The following NOX4 variants were observed in gnomAD, a reference collection of about 807,000 sequenced individuals.
NOX4 encodes NADPH oxidase 4, also known as kidney oxidase-1.
NOX4 carries 69 observed loss-of-function variants against 87.6 expected under a neutral mutation model. The observed-to-expected ratio is 0.79, with a 90% CI of 0.65 to 0.96. The LOEUF (loss-of-function observed/expected upper bound fraction) is 0.96, where lower values mean the gene tolerates loss of function less well. Ranked by LOEUF, NOX4 falls within the 40% of genes least tolerant of loss-of-function variation. The pLI is 0.00. For missense variants in NOX4, 680 were observed against 681.5 expected, an observed-to-expected ratio of 1.00 and a Z score of 0.02; for synonymous variants, 275 against 238.2, an observed-to-expected ratio of 1.15 and a Z score of -1.42.
At chr11:89,401,234 G>A (rs1348959171) in intron 9 of NOX4, among the ~76,000 whole-genome samples, 1 of 152,016 alleles carries the variant, frequency 6.6e-6, no homozygotes, top group Non-Finnish European at 1.5e-5. Context: ...GCCCCACACT[G>A]TGTTATGAGT....
At chr11:89,378,597 T>C (rs1940039373) in intron 11 of NOX4, among the ~76,000 whole-genome samples, 1 of 152,086 alleles carries the variant, frequency 6.6e-6, no homozygotes, top group Non-Finnish European at 1.5e-5. Context: ...AGGTATCAGT[T>C]GAATAAATAT....
intron 13 of NOX4, among the ~76,000 whole-genome samples, chr11:89,347,248 T>C (rs1946254418): frequency 6.6e-6 from 1 of 152,070 alleles, no homozygotes; most frequent in Admixed American, 6.6e-5. Flanking sequence ...GCAGAGCATA[T>C]CACCCAGAGC....
chr11:89,447,996 C>T (rs537527101), intron 4 of NOX4, among the ~76,000 whole-genome samples: 22 of 152,278 alleles, frequency 1.4e-4, no homozygotes, highest in African/African-American at 5.3e-4. Context: ...TTGGCAATAG[C>T]TGTATCAAAA....
intron 13 of NOX4, among the ~76,000 whole-genome samples, chr11:89,342,449 A>T (rs1946046141): frequency 6.6e-6 from 1 of 152,088 alleles, no homozygotes; most frequent in South Asian, 2.1e-4. Context: ...GGTAATGTAA[A>T]TATGATCATG....
the NOX4 span, among the ~76,000 whole-genome samples, chr11:89,555,891 T>C: frequency 6.6e-6 from 1 of 152,200 alleles, no homozygotes; most frequent in African/African-American, 2.4e-5. Flanking sequence ...TTCCTCATTG[T>C]TGGTTTATTC....
At chr11:89,559,084 CATAAATATTTA>C in the NOX4 span, among the ~76,000 whole-genome samples, 3 of 151,996 alleles carry the variant, frequency 2.0e-5, no homozygotes, top group Non-Finnish European at 2.9e-5. Flanking sequence ...TCAAATGCAT[CATAAATATTTA>C]ACAAATATTT....
chr11:89,510,455 T>C, the NOX4 span, among the ~76,000 whole-genome samples: 2 of 152,126 alleles, frequency 1.3e-5, no homozygotes, highest in African/African-American at 4.8e-5. Flanking sequence ...GTGAGATTAC[T>C]ACAGTTCCAA....
intron 6 of NOX4, among the ~76,000 whole-genome samples, chr11:89,437,199 A>T (rs1944120975): frequency 6.8e-6 from 1 of 147,136 alleles, no homozygotes; most frequent in African/African-American, 2.5e-5. Context: ...CATCTCTACT[A>T]AAAAAAAAAT....
chr11:89,402,179 G>A, intron 9 of NOX4, 147 bp downstream of exon 9: 2 of 663,116 alleles, frequency 3.0e-6, no homozygotes, highest in South Asian at 3.7e-5. Flanking sequence ...TACCTGTAAT[G>A]GAATAATAGG....
At chr11:89,443,019 C>T (rs1360538582) in intron 5 of NOX4, among the ~76,000 whole-genome samples, 3 of 152,062 alleles carry the variant, frequency 2.0e-5, no homozygotes, top group East Asian at 1.9e-4. Flanking sequence ...ACATGTGAAG[C>T]GCTGTCACTG....
intron 11 of NOX4, among the ~76,000 whole-genome samples, chr11:89,394,062 C>A (rs145336321): frequency 6.6e-6 from 1 of 152,034 alleles, no homozygotes. Flanking sequence ...GCAGGCCAGG[C>A]CATAGAAGGG....
chr11:89,413,525 G>A (rs1942598223), intron 8 of NOX4, among the ~76,000 whole-genome samples: 1 of 152,060 alleles, frequency 6.6e-6, no homozygotes, highest in South Asian at 2.1e-4. Context: ...CATTTTCAAC[G>A]ACGTGGGTGG....
the NOX4 span, among the ~76,000 whole-genome samples, chr11:89,540,430 T>TG: frequency 5.5e-5 from 3 of 54,224 alleles, no homozygotes; most frequent in African/African-American, 1.1e-4. Flanking sequence ...TCAAAAGCCA[T>TG]TTTTTTTTCA....
the NOX4 span, among the ~76,000 whole-genome samples, chr11:89,563,866 C>T: frequency 2.0e-5 from 3 of 151,894 alleles, no homozygotes; most frequent in South Asian, 2.1e-4. Context: ...TACAGTATTT[C>T]GGAAATACAG....
At chr11:89,539,857 G>A in the NOX4 span, among the ~76,000 whole-genome samples, 7,211 of 152,130 alleles carry the variant, frequency 0.047, 392 homozygotes, top group African/African-American at 0.13. Flanking sequence ...TTGGAAGAGC[G>A]TCAAAGAATT....
intron 2 of NOX4, among the ~76,000 whole-genome samples, chr11:89,452,123 T>G (rs1368108486): frequency 1.3e-5 from 2 of 152,208 alleles, no homozygotes; most frequent in African/African-American, 4.8e-5. Context: ...TCATTAATGC[T>G]AATGTTACAA....
At chr11:89,506,418 A>G in the NOX4 span, among the ~76,000 whole-genome samples, 1 of 151,794 alleles carries the variant, frequency 6.6e-6, no homozygotes, top group Non-Finnish European at 1.5e-5. Flanking sequence ...ATCTTACACC[A>G]TGCACAAATA....
chr11:89,419,189 C>T (rs576739523), intron 8 of NOX4, among the ~76,000 whole-genome samples: 1 of 151,964 alleles, frequency 6.6e-6, no homozygotes, highest in East Asian at 1.9e-4. Flanking sequence ...CATTGATGGA[C>T]AGAGAAGCTA....
chr11:89,444,211 A>T lies in NOX4; in HGVS notation c.371T>A (p.Leu124Gln). The change falls in exon 5 of 18, where the codon CTG becomes CAG. Residue 124 changes from leucine to glutamine, a missense_variant. Physicochemically the swap from Leu to Gln is moderately radical, Grantham distance 113 (BLOSUM62 -2). Transcript: ENST00000263317. ...CACTGAGAAGTTGAGGGCATTCACC[A>T]GATGGGCAGCCACATGCACGCCTAC... is the stretch of plus-strand genomic sequence containing the variant. ...IFSGVHVAAH[L>Q]VNALNFSVNY... 6.2e-7 allele frequency: 1 copy of T among 1,613,584 alleles called. No homozygotes were observed. Among genetic ancestry groups the T allele is most frequent in the South Asian group, 1.1e-5 (1 of 91,074 alleles).
Sources: gnomAD v4.1 joint callset for allele counts (sites outside exome capture counted in the v4.1 genomes callset) on GRCh38, gnomAD v4.1.1 for gene constraint, MANE v1.5 for transcripts, NCBI Gene and HGNC (gene_info 2026-07-23, HGNC 2026-07-21) for gene names.